The following ATP2B4 variants were observed in gnomAD, a reference collection of about 807,000 sequenced individuals.
The protein encoded by ATP2B4 is ATPase plasma membrane Ca2+ transporting 4, also known as plasma membrane calcium-transporting ATPase 4.
Under a neutral mutation model 110.3 loss-of-function variants are expected in ATP2B4, and 39 were observed. The observed-to-expected ratio is 0.35, with a 90% confidence interval of 0.27 to 0.46. The LOEUF (loss-of-function observed/expected upper bound fraction) is 0.46. ATP2B4 is among the 20% of genes least tolerant of loss of function. The pLI, the probability that ATP2B4 is intolerant of heterozygous loss-of-function variation, is 1.00. For synonymous variants in ATP2B4, 538 were observed against 571.7 expected (o/e 0.94, Z 0.84); for missense variants, 1,135 against 1,530.9 (o/e 0.74, Z 4.32).
At chr1:203,729,179 G>A (rs1054392239) in intron 20 of ATP2B4, among the ~76,000 whole-genome samples, 1 of 152,060 alleles carries the variant, frequency 6.6e-6, no homozygotes, top group Admixed American at 6.6e-5. Context: ...GTATAGGAGA[G>A]ATAGATGGAG....
At chr1:203,700,986 GGGAGCAGATCT>G in intron 6 of ATP2B4, 63 bp downstream of exon 6, 1 of 1,560,778 alleles carries the variant, frequency 6.4e-7, no homozygotes, top group Non-Finnish European at 8.7e-7. Flanking sequence ...AAGGAAGCGA[GGGAGCAGATCT>G]GGATAGAAAG....
intron 20 of ATP2B4, among the ~76,000 whole-genome samples, chr1:203,730,616 CA>C (rs1461497765): frequency 6.6e-6 from 1 of 152,202 alleles, no homozygotes; most frequent in Non-Finnish European, 1.5e-5. Flanking sequence ...TGCTCCTTTC[CA>C]GTCTTCTGTC....
chr1:203,667,937 G>A (rs1442052140), intron 1 of ATP2B4, among the ~76,000 whole-genome samples: 1 of 152,204 alleles, frequency 6.6e-6, no homozygotes, highest in Non-Finnish European at 1.5e-5. Context: ...GCTGGCCAGG[G>A]TGTGTTAGAC....
chr1:203,671,317 A>AT lies in ATP2B4; in HGVS notation c.-464-11417dup, dbSNP rs1278738638. 3.3e-5 allele frequency among the ~76,000 whole-genome samples: 5 copies of AT among 151,760 alleles called. 1 individual carries two copies. Among genetic ancestry groups the AT allele is most frequent in the South Asian group, 2.1e-4 (1 of 4,794 alleles). ...TGTGACTCCCACTTTCTTGACCTTC[A>AT]TTTTTTTTCTTTATTTTGTTTAGAT... On this transcript the variant is annotated intron_variant, in intron 1 of 20. Transcript: ENST00000357681.
intron 1 of ATP2B4, among the ~76,000 whole-genome samples, chr1:203,677,662 C>T (rs1664867848): frequency 2.0e-5 from 3 of 152,160 alleles, no homozygotes; most frequent in Admixed American, 1.3e-4. Context: ...CAGGGTTTCA[C>T]CTTGTTGGCC....
intron 8 of ATP2B4, 61 bp from the exon 9 acceptor site, chr1:203,706,948 C>G: frequency 1.4e-6 from 2 of 1,433,946 alleles, no homozygotes; most frequent in South Asian, 2.4e-5. Context: ...CAATCTATCT[C>G]TGGCTAGGGC....
At chr1:203,700,579 G>A (rs558809877) in intron 5 of ATP2B4, among the ~76,000 whole-genome samples, 24 of 152,270 alleles carry the variant, frequency 1.6e-4, no homozygotes, top group African/African-American at 5.8e-4. Flanking sequence ...CAGGAGGGAG[G>A]GCTTACCCTA....
intron 16 of ATP2B4, among the ~76,000 whole-genome samples, 200 bp from the exon 17 acceptor site, chr1:203,720,997 T>C (rs114562554): frequency 0.017 from 2,653 of 152,250 alleles, 79 homozygotes; most frequent in African/African-American, 0.062. Context: ...AAAATGACCT[T>C]GTGAAGTAGG....
chr1:203,739,441 T>G, intron 20 of ATP2B4, 105 bp from the exon 21 acceptor site: 1 of 1,167,016 alleles, frequency 8.6e-7, no homozygotes, highest in East Asian at 2.4e-5. Flanking sequence ...AGTCATGTTT[T>G]ATAGTCTGGG....
intron 1 of ATP2B4, chr1:203,657,075 G>A (rs1015361826): frequency 1.2e-5 from 10 of 830,684 alleles, no homozygotes; most frequent in African/African-American, 1.7e-5. Context: ...GGCCCAATTC[G>A]CTCACATTTA....
chr1:203,681,942 A>AAC (rs1665027958), intron 1 of ATP2B4, among the ~76,000 whole-genome samples: 1 of 151,122 alleles, frequency 6.6e-6, no homozygotes, highest in Non-Finnish European at 1.5e-5. Context: ...CTAGAAAAAA[A>AAC]AAAAAGTTCA....
At chr1:203,704,213 T>C (rs748328853) in intron 8 of ATP2B4, among the ~76,000 whole-genome samples, 2 of 151,958 alleles carry the variant, frequency 1.3e-5, no homozygotes, top group Admixed American at 1.3e-4. Context: ...AGCATAGGAG[T>C]AGGATCTGGC....
In ATP2B4 at chr1:203,629,624, C is replaced by T. The variant is rs1663202345; in HGVS notation, c.-465+2405C>T. 6.6e-6 allele frequency among the ~76,000 whole-genome samples: 1 copy of T among 152,160 alleles called. No homozygotes were observed. Among genetic ancestry groups the T allele is most frequent in the Non-Finnish European group, 1.5e-5 (1 of 68,028 alleles). On this transcript the variant is annotated intron_variant, in intron 1 of 20. Transcript: ENST00000357681. This position sits in a 1 kb window ranked among gnomAD's most constrained non-coding sequence, Gnocchi z 4.6. ...GCGGCCCCTGTGCTCTCCGCGGCCT[C>T]TGCGACCCCGCCCCGCCAGCCTCTC...
intron 1 of ATP2B4, among the ~76,000 whole-genome samples, chr1:203,637,963 C>G (rs1663508413): frequency 6.6e-6 from 1 of 152,162 alleles, no homozygotes; most frequent in Admixed American, 6.6e-5. Flanking sequence ...GACACATGAC[C>G]TAGTGATGGC....
At chr1:203,714,709 G>A (rs528484386) in intron 15 of ATP2B4, among the ~76,000 whole-genome samples, 10 of 151,836 alleles carry the variant, frequency 6.6e-5, no homozygotes, top group Non-Finnish European at 4.4e-5. Context: ...ACAGTTAGAC[G>A]TCTTAATTCA....
intron 1 of ATP2B4, among the ~76,000 whole-genome samples, chr1:203,676,320 C>T (rs1366409239): frequency 6.6e-6 from 1 of 151,636 alleles, no homozygotes; most frequent in East Asian, 2.0e-4. Flanking sequence ...AGGAAGAACC[C>T]GGGATTGTGA....
At chr1:203,652,794 A>G (rs918683942) in intron 1 of ATP2B4, among the ~76,000 whole-genome samples, 1 of 152,218 alleles carries the variant, frequency 6.6e-6, no homozygotes, top group Admixed American at 6.5e-5. Context: ...ACAAATGTGT[A>G]TGTTCTGACT....
At chr1:203,727,896 A>C in intron 20 of ATP2B4, 1 of 371,874 alleles carries the variant, frequency 2.7e-6, no homozygotes, top group South Asian at 2.5e-5. Flanking sequence ...ACTAGACCTG[A>C]CCCCAGGGTG....
At chr1:203,642,220 T>G (rs535857349) in intron 1 of ATP2B4, among the ~76,000 whole-genome samples, 1 of 152,298 alleles carries the variant, frequency 6.6e-6, no homozygotes, top group East Asian at 1.9e-4. Context: ...TAGCTGGGAC[T>G]ACAGGTGTGC....
Sources: gnomAD v4.1 joint callset for allele counts (sites outside exome capture counted in the v4.1 genomes callset) on GRCh38, gnomAD v4.1.1 for gene constraint, Gnocchi (gnomAD v3.1) non-coding constraint, MANE v1.5 for transcripts, NCBI Gene and HGNC (gene_info 2026-07-23, HGNC 2026-07-21) for gene names.